Variants in SPAG16 observed in about 807,000 individuals in gnomAD.
The protein encoded by SPAG16 is sperm associated antigen 16.
Under a neutral mutation model 80.4 loss-of-function variants are expected in SPAG16, and 86 were observed. That is an observed-to-expected ratio of 1.07 (90% confidence interval 0.90 to 1.28). The LOEUF (loss-of-function observed/expected upper bound fraction) is 1.28, where lower values mean the gene tolerates loss of function less well. SPAG16 is among the 50% of genes most tolerant of loss of function. The probability of loss-of-function intolerance (pLI) is 0.00; values close to 1 mark genes in which losing one functional copy is unlikely to be tolerated. For synonymous variants in SPAG16, 294 were observed against 265.9 expected (o/e 1.11, Z -1.03); for missense variants, 870 against 765.3 (o/e 1.14, Z -1.61).
At chr2:214,222,648 T>A (rs2058608167) in intron 15 of SPAG16, among the ~76,000 whole-genome samples, 1 of 152,250 alleles carries the variant, frequency 6.6e-6, no homozygotes, top group African/African-American at 2.4e-5. Flanking sequence ...TACTTATTGC[T>A]AGCAATGTAA....
At chr2:213,795,182 C>G (rs773442358) in intron 10 of SPAG16, among the ~76,000 whole-genome samples, 1 of 152,052 alleles carries the variant, frequency 6.6e-6, no homozygotes, top group Non-Finnish European at 1.5e-5. Context: ...GAGATAAACT[C>G]TGTAAATCTT....
intron 13 of SPAG16, among the ~76,000 whole-genome samples, chr2:214,104,049 C>T (rs776012387): frequency 4.6e-5 from 7 of 152,248 alleles, no homozygotes; most frequent in Middle Eastern, 3.4e-3. Context: ...AGGAAAGCAT[C>T]GGTTTGCAAT....
intron 14 of SPAG16, among the ~76,000 whole-genome samples, chr2:214,128,883 C>G (rs371518871): frequency 9.9e-5 from 15 of 151,772 alleles, no homozygotes; most frequent in African/African-American, 3.6e-4. Context: ...AGAAGCAGTG[C>G]TCAAACTAGG....
At chr2:213,519,708 C>A (rs1049159126) in intron 10 of SPAG16, among the ~76,000 whole-genome samples, 4 of 152,156 alleles carry the variant, frequency 2.6e-5, no homozygotes, top group Middle Eastern at 3.4e-3. Flanking sequence ...CTCCTAGAAA[C>A]AAACTCTCTT....
intron 15 of SPAG16, among the ~76,000 whole-genome samples, chr2:214,313,463 C>A (rs1695468642): frequency 6.6e-6 from 1 of 152,106 alleles, no homozygotes; most frequent in Non-Finnish European, 1.5e-5. Flanking sequence ...TTTATCTAAG[C>A]TGCCATTTCA....
chr2:213,869,252 T>TGAAA (rs2075835316), intron 11 of SPAG16, among the ~76,000 whole-genome samples: 1 of 68,558 alleles, frequency 1.5e-5, no homozygotes, highest in Non-Finnish European at 3.0e-5. Context: ...AAAGTCCATG[T>TGAAA]CAAAAAAAAA....
At chr2:213,433,057 T>C (rs2070400227) in intron 9 of SPAG16, among the ~76,000 whole-genome samples, 1 of 152,198 alleles carries the variant, frequency 6.6e-6, no homozygotes, top group African/African-American at 2.4e-5. Flanking sequence ...TCCAGCATCA[T>C]TTCGCTATAA....
chr2:213,494,211 A>C (rs1379821726), intron 10 of SPAG16, among the ~76,000 whole-genome samples: 1 of 151,558 alleles, frequency 6.6e-6, no homozygotes, highest in African/African-American at 2.4e-5. Flanking sequence ...TCATCTTTTC[A>C]CTCTCATTTG....
intron 10 of SPAG16, among the ~76,000 whole-genome samples, chr2:213,774,409 C>T (rs1453203060): frequency 1.3e-5 from 2 of 152,164 alleles, no homozygotes; most frequent in Admixed American, 6.5e-5. Context: ...CACTCCAATC[C>T]TTAATCTTCA....
In SPAG16 at chr2:213,284,590, T is replaced by C; in HGVS notation, c.107T>C (p.Val36Ala). 8.1e-6 allele frequency: 13 copies of C among 1,609,452 alleles called. No homozygotes were observed. The highest frequency in any genetic ancestry group is 1.1e-5 in the Non-Finnish European group (13 of 1,178,534). ...AGDARDTADA[V>A]AAEGAYYLEQ... Reference sequence around the variant, plus strand: ...GACGCGAGGGACACGGCGGACGCGGTGGCGGCTGAGGGCGCCTACTACCTG... The same window carrying C: ...GACGCGAGGGACACGGCGGACGCGGCGGCGGCTGAGGGCGCCTACTACCTG... The change falls in exon 1 of 16, where the codon GTG becomes GCG. Residue 36 changes from valine to alanine, a missense_variant. Val to Ala is a moderately conservative substitution (Grantham distance 64, BLOSUM62 0). Coordinates refer to ENST00000331683, the MANE Select transcript of SPAG16 (RefSeq NM_024532.5).
At chr2:213,388,017 T>A (rs2067540868) in intron 9 of SPAG16, among the ~76,000 whole-genome samples, 1 of 152,168 alleles carries the variant, frequency 6.6e-6, no homozygotes, top group Non-Finnish European at 1.5e-5. Context: ...ATTTGGAAAG[T>A]CTAGAGTCTG....
At position 213,397,980 on chromosome 2, in the gene SPAG16, A is replaced by G. The variant is rs573041065; in HGVS notation, c.942+22861A>G. ...CTTCATTTCAATTATCTCCCCTTCC[A>G]TGTTCTCCTTCTTAATTAATGGAAA... On this transcript the variant is annotated intron_variant, in intron 9 of 15. Transcript: ENST00000331683. Among the ~76,000 whole-genome samples, 11 of 152,020 alleles carry G rather than the reference A, an allele frequency of 7.2e-5. No homozygotes were observed. In the East Asian group the frequency reaches 1.5e-3, roughly 21 times the overall value.
intron 15 of SPAG16, chr2:214,240,796 AT>A (rs1689409949): frequency 1.3e-5 from 2 of 152,324 alleles, no homozygotes; most frequent in Admixed American, 1.3e-4. Context: ...CATTTATTTT[AT>A]GTGAAAGAAA....
At chr2:214,178,168 T>C (rs1160872211) in intron 15 of SPAG16, among the ~76,000 whole-genome samples, 1 of 143,056 alleles carries the variant, frequency 7.0e-6, no homozygotes, top group Non-Finnish European at 1.5e-5. Flanking sequence ...AATCTAAATA[T>C]ACCTAACTAG....
At chr2:214,307,182 G>A (rs1474340593) in intron 15 of SPAG16, among the ~76,000 whole-genome samples, 9 of 151,968 alleles carry the variant, frequency 5.9e-5, no homozygotes, top group South Asian at 2.1e-4. Context: ...AGAGGTGTTC[G>A]TAATGTTCTC....
intron 7 of SPAG16, among the ~76,000 whole-genome samples, chr2:213,354,303 T>C (rs1006160877): frequency 6.6e-6 from 1 of 152,248 alleles, no homozygotes; most frequent in Non-Finnish European, 1.5e-5. Flanking sequence ...ACATTTGGGT[T>C]GGTTCCAAGT....
chr2:213,453,738 C>G (rs1237605864), intron 9 of SPAG16, among the ~76,000 whole-genome samples: 1 of 152,080 alleles, frequency 6.6e-6, no homozygotes, highest in Non-Finnish European at 1.5e-5. Flanking sequence ...CTTGGTCTCT[C>G]CTGGCCCAGC....
intron 9 of SPAG16, among the ~76,000 whole-genome samples, chr2:213,448,194 G>A (rs531439767): frequency 1.0e-3 from 156 of 152,292 alleles, no homozygotes; most frequent in Non-Finnish European, 1.7e-3. Flanking sequence ...CTCGAACATC[G>A]CATGCAAATG....
chr2:214,194,604 G>C (rs2057772343), intron 15 of SPAG16, among the ~76,000 whole-genome samples: 3 of 151,980 alleles, frequency 2.0e-5, no homozygotes, highest in African/African-American at 7.2e-5. Context: ...ACACAATAGA[G>C]GTTTGCTAGT....
Sources: gnomAD v4.1 joint callset for allele counts (sites outside exome capture counted in the v4.1 genomes callset) on GRCh38, gnomAD v4.1.1 for gene constraint, MANE v1.5 for transcripts, NCBI Gene and HGNC (gene_info 2026-07-23, HGNC 2026-07-21) for gene names.